The following GAB2 variants were observed in gnomAD, a reference collection of about 807,000 sequenced individuals.
GAB2 encodes GRB2-associated-binding protein 2.
A neutral mutation model predicts 65.5 loss-of-function variants in GAB2; 26 were observed. The ratio of observed to expected loss-of-function variants is 0.40; its 90% confidence interval spans 0.29 to 0.55. The LOEUF is 0.55. Ranked by LOEUF, GAB2 falls within the 20% of genes least tolerant of loss-of-function variation. The pLI, the probability that GAB2 is intolerant of heterozygous loss-of-function variation, is 0.53. For synonymous variants in GAB2, 321 were observed against 329.6 expected, an observed-to-expected ratio of 0.97 and a Z score of 0.28; for missense variants, 884 against 875.8, an observed-to-expected ratio of 1.01 and a Z score of -0.12.
At chr11:78,318,798 T>C (rs559768846) in intron 1 of GAB2, among the ~76,000 whole-genome samples, 102 of 152,120 alleles carry the variant, frequency 6.7e-4, no homozygotes, top group Non-Finnish European at 1.1e-3. Context: ...TCAGCTGCTA[T>C]GTTATCCACC....
At chr11:78,360,956 G>A (rs1856427592) in intron 1 of GAB2, among the ~76,000 whole-genome samples, 1 of 152,102 alleles carries the variant, frequency 6.6e-6, no homozygotes, top group Non-Finnish European at 1.5e-5. Flanking sequence ...AACAAGAATA[G>A]CAGAGGACAC....
At chr11:78,333,450 G>A (rs941826974) in intron 1 of GAB2, among the ~76,000 whole-genome samples, 1 of 152,014 alleles carries the variant, frequency 6.6e-6, no homozygotes. Context: ...AATTTTTATA[G>A]AGGTGGGGGG....
In GAB2 at chr11:78,346,574, TGAGAA is replaced by T. The variant is rs199705805; in HGVS notation, c.76-65678_76-65674del. 5.1e-3 allele frequency among the ~76,000 whole-genome samples: 610 copies of T among 118,634 alleles called. 3 individuals carry two copies. Among genetic ancestry groups the T allele is most frequent in the African/African-American group, 0.021 (525 of 25,012 alleles). The allele number at this position is 118,634 out of a possible 152,430, so 77.8% of individuals were successfully genotyped here. On this transcript the variant is annotated intron_variant, in intron 1 of 9. Transcript: ENST00000361507. The stretch of plus-strand genomic sequence containing the variant: ...TTCTTCCCACCTACATCATGCTGCC[TGAGAA>T]GAGAAGAGAAGAGAAGAGAAAGGAG...
At chr11:78,415,301 C>A (rs1384536972) in intron 1 of GAB2, among the ~76,000 whole-genome samples, 1 of 152,186 alleles carries the variant, frequency 6.6e-6, no homozygotes, top group African/African-American at 2.4e-5. Flanking sequence ...ATATAACACG[C>A]CTATGATGTA....
At chr11:78,376,592 A>C (rs1182573183) in intron 1 of GAB2, among the ~76,000 whole-genome samples, 2 of 152,232 alleles carry the variant, frequency 1.3e-5, no homozygotes, top group Admixed American at 6.5e-5. Context: ...ATGTGTTTTC[A>C]CACATTCTGT....
At chr11:78,318,497 C>T (rs1855660667) in intron 1 of GAB2, among the ~76,000 whole-genome samples, 1 of 150,846 alleles carries the variant, frequency 6.6e-6, no homozygotes, top group Non-Finnish European at 1.5e-5. Context: ...ACTTTGGCAA[C>T]AGCATAGATG....
At chr11:78,413,896 C>T (rs1857160360) in intron 1 of GAB2, among the ~76,000 whole-genome samples, 1 of 152,010 alleles carries the variant, frequency 6.6e-6, no homozygotes, top group Non-Finnish European at 1.5e-5. Context: ...CAAGACCAGC[C>T]TCACCAACGT....
At chr11:78,243,633 G>A (rs1865207451) in intron 3 of GAB2, among the ~76,000 whole-genome samples, 1 of 151,808 alleles carries the variant, frequency 6.6e-6, no homozygotes, top group Non-Finnish European at 1.5e-5. Context: ...GAGGTCAGGG[G>A]ATCGAGACCA....
chr11:78,277,308 CACATTGTTAGAG>C (rs1866198854), intron 2 of GAB2, among the ~76,000 whole-genome samples: 1 of 152,192 alleles, frequency 6.6e-6, no homozygotes, highest in African/African-American at 2.4e-5. Context: ...ACCCATTTCT[CACATTGTTAGAG>C]TAGGTAGCTA....
At chr11:78,230,427 C>G (rs187288756) in intron 3 of GAB2, among the ~76,000 whole-genome samples, 11 of 152,362 alleles carry the variant, frequency 7.2e-5, no homozygotes, top group Middle Eastern at 3.4e-3. Context: ...CCACAAGAAG[C>G]CTTTTCACTC....
intron 1 of GAB2, among the ~76,000 whole-genome samples, chr11:78,358,215 T>C (rs1288856323): frequency 6.9e-6 from 1 of 144,046 alleles, no homozygotes; most frequent in East Asian, 2.0e-4. Context: ...AAACACCGCA[T>C]GTTCTCACTC....
intron 1 of GAB2, among the ~76,000 whole-genome samples, chr11:78,352,363 A>T (rs560858379): frequency 8.5e-5 from 13 of 152,304 alleles, no homozygotes; most frequent in Non-Finnish European, 1.5e-4. Flanking sequence ...TACATGCAGG[A>T]TGACTTCACA....
intron 1 of GAB2, among the ~76,000 whole-genome samples, chr11:78,382,379 TA>T (rs1856709037): frequency 1.3e-5 from 2 of 151,008 alleles, no homozygotes; most frequent in African/African-American, 4.9e-5. Context: ...TTTTTTTTAT[TA>T]TTATTTTTTT....
chr11:78,318,666 C>T (rs1249322591), intron 1 of GAB2, among the ~76,000 whole-genome samples: 2 of 152,152 alleles, frequency 1.3e-5, no homozygotes, highest in Non-Finnish European at 2.9e-5. Context: ...AAGGTTGGCT[C>T]TTGCACACCA....
At chr11:78,405,091 A>ATTTTTTTTTTTTTTTT (rs1174366754) in intron 1 of GAB2, among the ~76,000 whole-genome samples, 1 of 93,280 alleles carries the variant, frequency 1.1e-5, no homozygotes, top group Non-Finnish European at 1.9e-5. Flanking sequence ...AAAAACATGG[A>ATTTTTTTTTTTTTTTT]TTTTTTTTTT....
Position 78,263,775 on chromosome 11 carries a change from G to A in GAB2, c.377-13375C>T, listed in dbSNP as rs1472017455. On this transcript the variant is annotated intron_variant, in intron 2 of 9. Coordinates refer to ENST00000361507, the MANE Select transcript of GAB2 (RefSeq NM_080491.3). ...AAGCACAGGTCTGGAAATAACCCAC[G>A]GGATCATTTAGTTTAATATTAATAC... is the stretch of plus-strand genomic sequence containing the variant. Among the ~76,000 whole-genome samples the A allele has an allele frequency of 2.6e-5, 4 of 152,018 alleles. No individual in the cohort carries two copies. In the East Asian group the frequency reaches 5.8e-4, roughly 22 times the overall value.
At chr11:78,225,470 A>C (rs1033128226) in intron 4 of GAB2, among the ~76,000 whole-genome samples, 2 of 152,152 alleles carry the variant, frequency 1.3e-5, no homozygotes, top group Non-Finnish European at 2.9e-5. Flanking sequence ...TTTGACTCCT[A>C]CACCACTCAC....
At chr11:78,256,939 C>T (rs749224906) in intron 2 of GAB2, among the ~76,000 whole-genome samples, 2 of 152,096 alleles carry the variant, frequency 1.3e-5, no homozygotes, top group Non-Finnish European at 2.9e-5. Context: ...CTGGCCTGAG[C>T]TTCTATCTCC....
At chr11:78,385,245 G>A (rs979416191) in intron 1 of GAB2, among the ~76,000 whole-genome samples, 2 of 152,190 alleles carry the variant, frequency 1.3e-5, no homozygotes, top group South Asian at 4.1e-4. Context: ...TTGTAAACAA[G>A]AGCTTCCAAA....
Sources: gnomAD v4.1 joint callset for allele counts (sites outside exome capture counted in the v4.1 genomes callset) on GRCh38, gnomAD v4.1.1 for gene constraint, MANE v1.5 for transcripts, NCBI Gene and HGNC (gene_info 2026-07-23, HGNC 2026-07-21) for gene names.